MAGI3: variants seen among roughly 807,000 people sequenced by gnomAD.
MAGI3 encodes the protein membrane-associated guanylate kinase, WW and PDZ domain-containing protein 3.
MAGI3 carries 43 observed loss-of-function variants against 121.8 expected under a neutral mutation model. The ratio of observed to expected loss-of-function variants is 0.35; its 90% CI spans 0.28 to 0.46. The LOEUF (loss-of-function observed/expected upper bound fraction) is 0.46, where lower values mean the gene tolerates loss of function less well. Ranked by LOEUF, MAGI3 falls within the 20% of genes least tolerant of loss-of-function variation. The pLI, the probability that MAGI3 is intolerant of heterozygous loss-of-function variation, is 1.00. For synonymous variants in MAGI3, 553 were observed against 639.3 expected, an observed-to-expected ratio of 0.86 and a Z score of 2.04; for missense variants, 1,547 against 1,797.3, an observed-to-expected ratio of 0.86 and a Z score of 2.52.
Position 113,646,479 on chromosome 1 carries a change from A to G in MAGI3, c.1999-7A>G, listed in dbSNP as rs1652850950. 1 of 1,584,046 alleles carries G rather than the reference A, an allele frequency of 6.3e-7. No homozygotes were observed. Among genetic ancestry groups the G allele is most frequent in the Non-Finnish European group, 8.6e-7 (1 of 1,169,312 alleles). ...AAAATACTAAGTAAGGCTCTTTTCC[A>G]TTTCAGAAAACAGATAAAAAGGAAA... On this transcript the variant is annotated splice_polypyrimidine_tract_variant and splice_region_variant and intron_variant, in intron 11 of 20. Coordinates refer to ENST00000307546, the MANE Select transcript of MAGI3 (RefSeq NM_001142782.2).
At chr1:113,605,716 C>T (rs1005155076) in intron 6 of MAGI3, among the ~76,000 whole-genome samples, 1 of 151,994 alleles carries the variant, frequency 6.6e-6, no homozygotes, top group Non-Finnish European at 1.5e-5. Flanking sequence ...TCTTCTGCCT[C>T]AACCTCCCAA....
chr1:113,583,042 A>G (rs1315580420), intron 3 of MAGI3, among the ~76,000 whole-genome samples: 1 of 151,744 alleles, frequency 6.6e-6, no homozygotes, highest in Admixed American at 6.6e-5. Flanking sequence ...GTCAGTAACT[A>G]TAGTTAGGGT....
At chr1:113,641,091 TTA>T (rs536093457) in intron 9 of MAGI3, among the ~76,000 whole-genome samples, 1,268 of 20,196 alleles carry the variant, frequency 0.063, 243 homozygotes, top group Middle Eastern at 0.1. Flanking sequence ...GAGATATATA[TTA>T]TATATATGAT....
At chr1:113,466,495 C>A (rs778416582) in intron 1 of MAGI3, among the ~76,000 whole-genome samples, 2 of 152,048 alleles carry the variant, frequency 1.3e-5, no homozygotes, top group Non-Finnish European at 2.9e-5. Context: ...GTAATGCTGG[C>A]CTCATAAAAG....
At position 113,682,469 on chromosome 1, in the gene MAGI3, A is replaced by G. The variant is rs186626153; in HGVS notation, c.3329-428A>G. The G allele has an allele frequency of 1.3e-4, 181 of 1,355,272 alleles. 2 individuals are homozygous for G. In the African/African-American group the frequency reaches 2.2e-3, roughly 17 times the overall value. The allele number at this position is 1,355,272 out of a possible 1,614,324, so 84.0% of individuals were successfully genotyped here. A position where few individuals can be genotyped will look rare whatever the true frequency, so the allele number is the denominator to read the frequency against. On this transcript the variant is annotated intron_variant, in intron 20 of 20. Coordinates refer to ENST00000307546, the MANE Select transcript of MAGI3 (RefSeq NM_001142782.2). ...ATTATTACAAATGCCCATGAGCCTCATTCTGGTTACCACAGTTTGGTTTCC... is the reference window on the plus strand; with the variant it reads ...ATTATTACAAATGCCCATGAGCCTCGTTCTGGTTACCACAGTTTGGTTTCC...
intron 1 of MAGI3, among the ~76,000 whole-genome samples, chr1:113,451,118 A>G (rs983288492): frequency 1.3e-5 from 2 of 152,228 alleles, no homozygotes; most frequent in African/African-American, 4.8e-5. Flanking sequence ...TTAACTTTTC[A>G]AAAGAAAAAT....
At chr1:113,467,202 TTTG>T (rs374650555) in intron 1 of MAGI3, among the ~76,000 whole-genome samples, 158 of 152,276 alleles carry the variant, frequency 1.0e-3, no homozygotes, top group Middle Eastern at 6.8e-3. Context: ...TCATTGATCC[TTTG>T]GTCATTCCAG....
rs761358502 is a variant in MAGI3 at position 113,681,351 on chromosome 1, C to T, written c.3328+15C>T. On this transcript the variant is annotated intron_variant, in intron 20 of 20. Coordinates refer to ENST00000307546, the MANE Select transcript of MAGI3 (RefSeq NM_001142782.2). ...ACCTGACCATGGTAAGTAAAGTAGC[C>T]CACTAGTAGCTGAAAAGTTGTATAT... The T allele has an allele frequency of 3.1e-6, 5 of 1,607,694 alleles. No homozygotes were observed. In the Admixed American group the frequency reaches 6.9e-5, roughly 22 times the overall value.
intron 6 of MAGI3, among the ~76,000 whole-genome samples, chr1:113,599,539 A>C (rs969032320): frequency 5.3e-5 from 8 of 152,204 alleles, no homozygotes; most frequent in African/African-American, 1.9e-4. Context: ...TGAATCTCTG[A>C]GTAGACCAAT....
At chr1:113,638,490 G>A (rs572099483) in intron 9 of MAGI3, among the ~76,000 whole-genome samples, 24 of 152,342 alleles carry the variant, frequency 1.6e-4, no homozygotes, top group African/African-American at 5.3e-4. Context: ...TTTGCTAGAG[G>A]TCCACTCCCT....
chr1:113,540,020 G>A (rs567863654), intron 1 of MAGI3, among the ~76,000 whole-genome samples: 23 of 151,974 alleles, frequency 1.5e-4, no homozygotes, highest in East Asian at 1.4e-3. Context: ...AGATGGTCTC[G>A]GACTCCTGGG....
intron 9 of MAGI3, among the ~76,000 whole-genome samples, chr1:113,640,431 G>A (rs373379498): frequency 2.6e-4 from 39 of 152,202 alleles, no homozygotes; most frequent in African/African-American, 7.9e-4. Flanking sequence ...ACATGCACAC[G>A]TATGTTTATT....
chr1:113,424,150 TC>T (rs1652878184), intron 1 of MAGI3, among the ~76,000 whole-genome samples: 2 of 152,082 alleles, frequency 1.3e-5, no homozygotes, highest in African/African-American at 4.8e-5. Flanking sequence ...GATCACCTGT[TC>T]CTAGCCCCTG....
chr1:113,515,584 C>A (rs575132411), intron 1 of MAGI3, among the ~76,000 whole-genome samples: 1 of 152,166 alleles, frequency 6.6e-6, no homozygotes, highest in South Asian at 2.1e-4. Flanking sequence ...ATGTTATCTT[C>A]ATTTACAGAT....
At chr1:113,512,710 T>C (rs528844881) in intron 1 of MAGI3, among the ~76,000 whole-genome samples, 1,852 of 152,242 alleles carry the variant, frequency 0.012, 15 homozygotes, top group Non-Finnish European at 0.02. Flanking sequence ...CTTTGAAAAC[T>C]GGCACAAGAC....
At chr1:113,567,625 C>G (rs1294307682) in intron 2 of MAGI3, among the ~76,000 whole-genome samples, 1 of 151,948 alleles carries the variant, frequency 6.6e-6, no homozygotes, top group Non-Finnish European at 1.5e-5. Context: ...AAGACTCAGT[C>G]AATATATTAT....
At chr1:113,428,461 G>C (rs1385502708) in intron 1 of MAGI3, among the ~76,000 whole-genome samples, 1 of 152,044 alleles carries the variant, frequency 6.6e-6, no homozygotes, top group Admixed American at 6.5e-5. Context: ...AACTCTTTCT[G>C]GACTCACTAT....
chr1:113,671,493 G>A (rs1647548732), intron 16 of MAGI3, among the ~76,000 whole-genome samples: 1 of 152,162 alleles, frequency 6.6e-6, no homozygotes, highest in East Asian at 1.9e-4. Context: ...CTAAAACACA[G>A]GTGAAAATGG....
intron 1 of MAGI3, among the ~76,000 whole-genome samples, chr1:113,497,224 T>TCCAGCCTGGGTGTCAAAGCG (rs1238700708): frequency 2.5e-4 from 36 of 145,704 alleles, no homozygotes; most frequent in East Asian, 6.1e-4. Context: ...ACCACTGGAA[T>TCCAGCCTGGGTGTCAAAGCG]AGGAACAGCT....
Sources: gnomAD v4.1 joint callset for allele counts (sites outside exome capture counted in the v4.1 genomes callset) on GRCh38, gnomAD v4.1.1 for gene constraint, MANE v1.5 for transcripts, NCBI Gene and HGNC (gene_info 2026-07-23, HGNC 2026-07-21) for gene names.